PBLD: variants seen among roughly 807,000 people sequenced by gnomAD.
PBLD encodes phenazine biosynthesis-like domain-containing protein.
Under a neutral mutation model 31.3 loss-of-function variants are expected in PBLD, and 26 were observed. The ratio of observed to expected loss-of-function variants is 0.83; its 90% CI spans 0.61 to 1.15. The LOEUF (loss-of-function observed/expected upper bound fraction) is 1.15. PBLD is among the 50% of genes most tolerant of loss of function. The probability of loss-of-function intolerance (pLI) is 0.00; values close to 1 mark genes in which losing one functional copy is unlikely to be tolerated. For synonymous variants in PBLD, 114 were observed against 129.0 expected, an observed-to-expected ratio of 0.88 and a Z score of 0.79; for missense variants, 307 against 351.7, an observed-to-expected ratio of 0.87 and a Z score of 1.02.
In PBLD at chr10:68,298,128, G is replaced by A. The variant is rs558716617; in HGVS notation, c.85-1143C>T. On this transcript the variant is annotated intron_variant, in intron 2 of 9. Transcript: ENST00000358769. ...AATTTAGCCAGGCATGGTGGTGCTT[G>A]CTTATGGTCCAGACTATACGGGAGG... 2.0e-5 allele frequency among the ~76,000 whole-genome samples: 3 copies of A among 152,238 alleles called. No homozygotes were observed. The South Asian group carries it at 6.2e-4, about 32-fold the overall frequency.
chr10:68,329,851 A>G (rs949800226), intron 1 of PBLD, among the ~76,000 whole-genome samples: 2 of 152,196 alleles, frequency 1.3e-5, no homozygotes, highest in Non-Finnish European at 2.9e-5. Context: ...GAAGGTTCAT[A>G]GTGTTTTAAG....
At chr10:68,315,466 TC>T (rs1383081885) in intron 1 of PBLD, among the ~76,000 whole-genome samples, 2 of 151,714 alleles carry the variant, frequency 1.3e-5, no homozygotes, top group Non-Finnish European at 2.9e-5. Context: ...GTGCCTGTTA[TC>T]CCAGCTACTC....
chr10:68,320,058 G>T (rs2044811296), intron 1 of PBLD, among the ~76,000 whole-genome samples: 1 of 152,010 alleles, frequency 6.6e-6, no homozygotes, highest in Non-Finnish European at 1.5e-5. Context: ...ACCGACCTCA[G>T]GTGATCTGCC....
rs2134411025 is a variant in PBLD at position 68,283,080 on chromosome 10, C to T, written c.*1097G>A. On this transcript the variant is annotated 3_prime_UTR_variant, in exon 10 of 10. Coordinates refer to ENST00000358769, the MANE Select transcript of PBLD (RefSeq NM_022129.4). ...TTTTTTTTTAATAGAGACAAGTTCT[C>T]GCTGTGTTGCCCAGGCTGGTCTCGA... is the stretch of plus-strand genomic sequence containing the variant. The T allele has an allele frequency of 1.3e-5, 2 of 150,914 alleles. No homozygotes were observed. The highest frequency in any genetic ancestry group is 6.6e-5 in the Admixed American group (1 of 15,134). 9.3% of individuals were successfully genotyped at this position (150,914 alleles called of 1,614,324 possible).
At chr10:68,326,410 C>T (rs1242780538) in intron 1 of PBLD, among the ~76,000 whole-genome samples, 2 of 152,154 alleles carry the variant, frequency 1.3e-5, no homozygotes, top group African/African-American at 2.4e-5. Flanking sequence ...GCTCTCAAAT[C>T]AATTTCCATT....
rs75212320 is a variant in PBLD at position 68,286,007 on chromosome 10, A to G, written c.692-597T>C. On this transcript the variant is annotated intron_variant, in intron 8 of 9. Coordinates refer to ENST00000358769, the MANE Select transcript of PBLD (RefSeq NM_022129.4). Reference sequence around the variant, plus strand: ...TTACAGTCTCCTAAGGCTGAATTAGACTGCAGGTTTTAATTCTTGTCTTGT... The same window carrying G: ...TTACAGTCTCCTAAGGCTGAATTAGGCTGCAGGTTTTAATTCTTGTCTTGT... Among the ~76,000 whole-genome samples, 561 of 151,070 alleles carry G rather than the reference A, an allele frequency of 3.7e-3. 5 individuals carry two copies. The highest frequency in any genetic ancestry group is 0.013 in the African/African-American group (548 of 41,152).
At position 68,283,544 on chromosome 10, in the gene PBLD, C is replaced by T. The variant is rs1019831872; in HGVS notation, c.*633G>A. The T allele has an allele frequency of 3.3e-5, 5 of 152,116 alleles. No individual in the cohort carries two copies. The highest frequency in any genetic ancestry group is 1.2e-4 in the African/African-American group (5 of 41,404). 9.4% of individuals were successfully genotyped at this position (152,116 alleles called of 1,614,324 possible). On this transcript the variant is annotated 3_prime_UTR_variant, in exon 10 of 10. Coordinates refer to ENST00000358769, the MANE Select transcript of PBLD (RefSeq NM_022129.4). Reference sequence around the variant, plus strand: ...CTGCAAAATCAGGTACTCATTTAAGCTCAAATGGTTTAGTATCACTCCTCA... The same window carrying T: ...CTGCAAAATCAGGTACTCATTTAAGTTCAAATGGTTTAGTATCACTCCTCA...
At chr10:68,319,075 GAAA>G (rs2044785834) in intron 1 of PBLD, among the ~76,000 whole-genome samples, 1 of 120,592 alleles carries the variant, frequency 8.3e-6, no homozygotes, top group African/African-American at 3.6e-5. Context: ...AAGAAAGAAA[GAAA>G]GAAAGAAAGA....
chr10:68,284,018 A>T lies in PBLD; in HGVS notation c.*159T>A, dbSNP rs2134412882. The T allele has an allele frequency of 1.0e-5, 6 of 599,050 alleles. No individual in the cohort carries two copies. Among genetic ancestry groups the T allele is most frequent in the Non-Finnish European group, 1.7e-5 (6 of 350,938 alleles). 37.1% of individuals were successfully genotyped at this position (599,050 alleles called of 1,614,324 possible). ...CACCTTGGCCTCTCAAAGTGCTACG[A>T]TTACAGGCATGAGCCACTGCGCCTG... On this transcript the variant is annotated 3_prime_UTR_variant, in exon 10 of 10. Transcript: ENST00000358769.
At chr10:68,292,279 T>C (rs1336271409) in intron 4 of PBLD, 41 bp from the exon 5 acceptor site, 2 of 1,515,820 alleles carry the variant, frequency 1.3e-6, no homozygotes, top group African/African-American at 2.7e-5. Context: ...ATAAACTTTG[T>C]CATATATGCG....
chr10:68,303,436 G>T (rs9415899), intron 2 of PBLD, among the ~76,000 whole-genome samples: 151,830 of 151,830 alleles, frequency 1, 75,915 homozygotes, highest in Non-Finnish European at 1. Context: ...CCAGGTAGCC[G>T]TTAATTTGTT....
chr10:68,332,066 T>C (rs904754309), intron 1 of PBLD: 7 of 152,476 alleles, frequency 4.6e-5, no homozygotes, highest in African/African-American at 1.7e-4. Flanking sequence ...CCCAAGCCAG[T>C]AGCTGTGCTG....
At chr10:68,285,135 T>C in intron 9 of PBLD, 1 of 1,363,642 alleles carries the variant, frequency 7.3e-7, no homozygotes, top group Non-Finnish European at 9.4e-7. Context: ...TTACTGTATC[T>C]GTGTCTGTAC....
At chr10:68,330,152 T>G (rs949842275) in intron 1 of PBLD, among the ~76,000 whole-genome samples, 1 of 152,234 alleles carries the variant, frequency 6.6e-6, no homozygotes, top group African/African-American at 2.4e-5. Flanking sequence ...TTCCTTCCAC[T>G]GAGTATTTTT....
At chr10:68,287,228 A>T (rs929370993) in intron 8 of PBLD, 1 of 152,188 alleles carries the variant, frequency 6.6e-6, no homozygotes, top group African/African-American at 2.4e-5. Flanking sequence ...GAAACCCTTC[A>T]GTCCCAAGCA....
intron 1 of PBLD, among the ~76,000 whole-genome samples, chr10:68,326,005 T>C (rs1432740459): frequency 2.0e-5 from 3 of 151,568 alleles, no homozygotes; most frequent in Non-Finnish European, 4.4e-5. Flanking sequence ...AGGTTCACTT[T>C]ATGTACGTGC....
At position 68,288,490 on chromosome 10, in the gene PBLD, T is replaced by A; in HGVS notation, c.684A>T (p.Pro228=). ...FAPWVGVAED[P]VTGSAHAVLS... ...GGCTCAAGTAAAAAGTACCTGTCACTGGGTCTTCAGCCACACCAACCCACG... is the reference window on the plus strand; with the variant it reads ...GGCTCAAGTAAAAAGTACCTGTCACAGGGTCTTCAGCCACACCAACCCACG... Residue 228 remains proline (P), a synonymous_variant, in exon 8 of 10, where the codon CCA becomes CCT. Transcript: ENST00000358769. 1 of 1,613,658 alleles carries A rather than the reference T, an allele frequency of 6.2e-7. No individual in the cohort carries two copies. Among genetic ancestry groups the A allele is most frequent in the Non-Finnish European group, 8.5e-7 (1 of 1,179,850 alleles).
chr10:68,284,200 A>G lies in PBLD; in HGVS notation c.844T>C (p.Leu282=). ...CTCTAGGCTGTCAGTGTGCCCTCTA[A>G]AACAACAGCTGCACCTCCTCTAATG... ...VDIRGGAAVV[L]EGTLTA is the part of the protein sequence containing the mutation. The change falls in exon 10 of 10, where the codon TTA becomes CTA. Residue 282 remains leucine (L), a synonymous_variant. Transcript: ENST00000358769. The G allele has an allele frequency of 2.5e-6, 4 of 1,614,052 alleles. No homozygotes were observed. The highest frequency in any genetic ancestry group is 3.4e-6 in the Non-Finnish European group (4 of 1,179,984).
chr10:68,319,051 G>GAGAGAA (rs1172320146), intron 1 of PBLD, among the ~76,000 whole-genome samples: 1 of 98,710 alleles, frequency 1.0e-5, no homozygotes, highest in Non-Finnish European at 1.9e-5. Flanking sequence ...GAAAGAAAGA[G>GAGAGAA]AGAGAAAGAA....
Sources: gnomAD v4.1 joint callset for allele counts (sites outside exome capture counted in the v4.1 genomes callset) on GRCh38, gnomAD v4.1.1 for gene constraint, MANE v1.5 for transcripts, NCBI Gene and HGNC (gene_info 2026-07-23, HGNC 2026-07-21) for gene names.